Variants in TBCEL observed in about 807,000 individuals in gnomAD.
TBCEL encodes the protein tubulin-specific chaperone cofactor E-like protein.
Under a neutral mutation model 44.2 loss-of-function variants are expected in TBCEL, and 15 were observed. The ratio of observed to expected loss-of-function variants is 0.34; its 90% CI spans 0.23 to 0.52. The LOEUF is 0.52. Among genes scored for constraint, TBCEL ranks in the 20% least tolerant of loss-of-function variants. The pLI is 0.95. For missense variants in TBCEL, 319 were observed against 506.3 expected (o/e 0.63, Z 3.55); for synonymous variants, 171 against 185.4 (o/e 0.92, Z 0.63).
At chr11:121,043,164 T>TG (rs144940218) in intron 2 of TBCEL, among the ~76,000 whole-genome samples, 3,697 of 152,254 alleles carry the variant, frequency 0.024, 120 homozygotes, top group African/African-American at 0.069. Context: ...CAGAACTGGG[T>TG]GGGCGTAAAC....
intron 8 of TBCEL, among the ~76,000 whole-genome samples, chr11:121,071,973 G>A (rs1433834231): frequency 6.6e-6 from 1 of 152,068 alleles, no homozygotes; most frequent in East Asian, 1.9e-4. Flanking sequence ...CTCTGACAAG[G>A]GCCGTGACAC....
At chr11:121,078,967 G>T (rs1442709874) in intron 8 of TBCEL, among the ~76,000 whole-genome samples, 2 of 152,260 alleles carry the variant, frequency 1.3e-5, no homozygotes, top group East Asian at 3.9e-4. Context: ...TTTAACTGCT[G>T]TATAGTATTC....
intron 4 of TBCEL, among the ~76,000 whole-genome samples, chr11:121,049,391 C>G (rs946988518): frequency 1.3e-5 from 2 of 151,718 alleles, no homozygotes; most frequent in Admixed American, 6.6e-5. Context: ...TCTTAAATTT[C>G]TCTATTTTAT....
intron 1 of TBCEL, chr11:121,035,604 C>T (rs1945217772): frequency 6.6e-6 from 1 of 151,902 alleles, no homozygotes. Context: ...GAGTGATGAA[C>T]TAGTGGTCTG....
chr11:121,028,964 C>T (rs1188696131), intron 1 of TBCEL, among the ~76,000 whole-genome samples: 5 of 152,176 alleles, frequency 3.3e-5, no homozygotes, highest in African/African-American at 1.2e-4. Flanking sequence ...GACCTTAGCC[C>T]CTTACCATCT....
At chr11:121,062,763 G>A (rs1490617991) in intron 8 of TBCEL, among the ~76,000 whole-genome samples, 1 of 152,152 alleles carries the variant, frequency 6.6e-6, no homozygotes, top group Non-Finnish European at 1.5e-5. Context: ...AGGTAGGATG[G>A]AAAACCAACT....
At chr11:121,059,308 G>A (rs528315391) in intron 7 of TBCEL, among the ~76,000 whole-genome samples, 2 of 152,036 alleles carry the variant, frequency 1.3e-5, no homozygotes, top group East Asian at 1.9e-4. Flanking sequence ...AGTAGGTCTT[G>A]TGCTTTATTT....
chr11:121,064,138 G>C (rs1014660067), intron 8 of TBCEL, among the ~76,000 whole-genome samples: 1 of 152,072 alleles, frequency 6.6e-6, no homozygotes, highest in Non-Finnish European at 1.5e-5. Flanking sequence ...CATGCCTTTG[G>C]GTTCTAAAGC....
rs897461523 is a variant in TBCEL at position 121,086,639 on chromosome 11, A to G, written c.957-139A>G. The G allele has an allele frequency of 4.0e-5, 26 of 648,910 alleles. 1 individual carries two copies. Among genetic ancestry groups the G allele is most frequent in the Middle Eastern group, 4.0e-4 (1 of 2,484 alleles). The allele number at this position is 648,910 out of a possible 1,614,324, so 40.2% of individuals were successfully genotyped here. ...CTAGGGCACTCATATTAGATCACAG[A>G]GTCCATAGGAGTCATGTGATAGAAT... is the stretch of plus-strand genomic sequence containing the variant. On this transcript the variant is annotated intron_variant, in intron 8 of 8. Coordinates refer to ENST00000683345, the MANE Select transcript of TBCEL (RefSeq NM_001363644.2).
chr11:121,045,773 C>G lies in TBCEL; in HGVS notation c.83C>G (p.Pro28Arg), dbSNP rs763022789. ...SPENFPYRRGPGMGVHVPATP... is the reference protein window; with the variant it reads ...SPENFPYRRGRGMGVHVPATP... ...GAAAATTTTCCTTATCGCCGTGGCC[C>G]GGGGATGGGAGTCCATGTCCCAGCC... The change falls in exon 3 of 9, where the codon CCG (proline) becomes CGG (arginine). Residue 28 changes from proline to arginine, a missense_variant. Physicochemically the swap from Pro to Arg is moderately radical, Grantham distance 103. Transcript: ENST00000683345. The G allele has an allele frequency of 1.2e-6, 2 of 1,611,258 alleles. No homozygotes were observed. The highest frequency in any genetic ancestry group is 1.7e-6 in the Non-Finnish European group (2 of 1,179,014).
intron 7 of TBCEL, among the ~76,000 whole-genome samples, chr11:121,059,243 T>C (rs1354327061): frequency 6.6e-6 from 1 of 152,030 alleles, no homozygotes; most frequent in Non-Finnish European, 1.5e-5. Context: ...TACACATTAA[T>C]ATCTTTCTGA....
chr11:121,066,186 G>A (rs1276693848), intron 8 of TBCEL, among the ~76,000 whole-genome samples: 2 of 152,230 alleles, frequency 1.3e-5, no homozygotes, highest in Non-Finnish European at 2.9e-5. Flanking sequence ...TCATTTTACA[G>A]TCATTAGTAA....
At chr11:121,080,855 GACCACC>G (rs1946112141) in intron 8 of TBCEL, among the ~76,000 whole-genome samples, 1 of 152,176 alleles carries the variant, frequency 6.6e-6, no homozygotes, top group African/African-American at 2.4e-5. Flanking sequence ...TCCTAAAAAT[GACCACC>G]GTGCTACTAA....
intron 8 of TBCEL, among the ~76,000 whole-genome samples, chr11:121,072,988 C>A (rs1591413821): frequency 6.6e-6 from 1 of 151,962 alleles, no homozygotes; most frequent in South Asian, 2.1e-4. Context: ...GTTTCAGGAC[C>A]CTGTTCTATT....
chr11:121,084,415 G>A (rs552593836), intron 8 of TBCEL, among the ~76,000 whole-genome samples: 1 of 152,200 alleles, frequency 6.6e-6, no homozygotes, highest in East Asian at 1.9e-4. Flanking sequence ...GTTTTGTGGA[G>A]TGTTTTCTTT....
intron 8 of TBCEL, among the ~76,000 whole-genome samples, chr11:121,075,101 G>C (rs570918780): frequency 5.9e-5 from 9 of 151,992 alleles, no homozygotes; most frequent in Admixed American, 4.6e-4. Context: ...TAAGTTCTGT[G>C]CACTTTATTG....
intron 1 of TBCEL, among the ~76,000 whole-genome samples, chr11:121,031,662 CTTTT>C (rs1159376351): frequency 2.0e-5 from 2 of 101,864 alleles, no homozygotes; most frequent in Non-Finnish European, 2.0e-5. Context: ...TTTTTTCTTT[CTTTT>C]TTTTTTTTTT....
At chr11:121,042,037 C>T (rs180974276) in intron 2 of TBCEL, among the ~76,000 whole-genome samples, 2 of 152,002 alleles carry the variant, frequency 1.3e-5, no homozygotes, top group African/African-American at 2.4e-5. Flanking sequence ...AACTTGAATA[C>T]GTCTTTCCTA....
intron 8 of TBCEL, among the ~76,000 whole-genome samples, chr11:121,084,675 G>A (rs181282203): frequency 1.3e-5 from 2 of 152,170 alleles, no homozygotes; most frequent in East Asian, 1.9e-4. Flanking sequence ...GAGAGCTAGG[G>A]TATTACAATT....
Sources: allele counts gnomAD v4.1 joint callset (sites outside exome capture counted in the v4.1 genomes callset), GRCh38; gene constraint gnomAD v4.1.1; transcripts MANE v1.5; gene names NCBI Gene and HGNC (gene_info 2026-07-23, HGNC 2026-07-21).